Variants in RBFOX1 observed in about 807,000 individuals in gnomAD.
RBFOX1 encodes the protein RNA binding protein fox-1 homolog 1.
In RBFOX1, 8 loss-of-function variants were observed where a neutral mutation model predicts 57.7. The observed-to-expected ratio is 0.14, with a 90% CI of 0.08 to 0.25. The LOEUF (loss-of-function observed/expected upper bound fraction) is 0.25, where lower values mean the gene tolerates loss of function less well. Among genes scored for constraint, RBFOX1 ranks in the 10% least tolerant of loss-of-function variants. The probability of loss-of-function intolerance (pLI) is 1.00; values close to 1 mark genes in which losing one functional copy is unlikely to be tolerated. For missense variants in RBFOX1, 611 were observed against 548.5 expected, an observed-to-expected ratio of 1.11 and a Z score of -1.14; for synonymous variants, 326 against 222.4, an observed-to-expected ratio of 1.47 and a Z score of -4.15.
chr16:7,292,209 T>TATATC (rs1266670436), intron 4 of RBFOX1, among the ~76,000 whole-genome samples: 8 of 105,050 alleles, frequency 7.6e-5, no homozygotes, highest in African/African-American at 3.3e-4. Context: ...TTATATATCA[T>TATATC]ATATATGATA....
At chr16:5,353,541 C>T (rs951767984) in intron 1 of RBFOX1, among the ~76,000 whole-genome samples, 1 of 152,058 alleles carries the variant, frequency 6.6e-6, no homozygotes, top group Non-Finnish European at 1.5e-5. Context: ...ATGTGAATGT[C>T]ACAGCCTAGT....
chr16:7,238,234 G>A (rs370729895), intron 4 of RBFOX1, among the ~76,000 whole-genome samples: 1 of 152,102 alleles, frequency 6.6e-6, no homozygotes, highest in South Asian at 2.1e-4. Context: ...TTTCAGTTTT[G>A]CAAGATGAAA....
intron 3 of RBFOX1, among the ~76,000 whole-genome samples, chr16:5,695,544 T>C (rs1178625223): frequency 1.3e-5 from 2 of 152,208 alleles, no homozygotes; most frequent in Non-Finnish European, 2.9e-5. Flanking sequence ...ATGATGCCAG[T>C]CAAAATAATT....
intron 1 of RBFOX1, among the ~76,000 whole-genome samples, chr16:5,258,390 T>C (rs1224893385): frequency 6.8e-6 from 1 of 146,062 alleles, no homozygotes; most frequent in Non-Finnish European, 1.5e-5. Flanking sequence ...TGTAATTTAC[T>C]TTCCCTCTAA....
chr16:7,675,708 A>G (rs1300933359), intron 13 of RBFOX1, among the ~76,000 whole-genome samples: 1 of 150,824 alleles, frequency 6.6e-6, no homozygotes, highest in Non-Finnish European at 1.5e-5. Context: ...TTTCCCTCTC[A>G]TGATTCTGCT....
chr16:7,454,015 CT>C (rs1248329524), intron 4 of RBFOX1, among the ~76,000 whole-genome samples: 34 of 152,292 alleles, frequency 2.2e-4, no homozygotes, highest in African/African-American at 7.9e-4. Flanking sequence ...GGTGGATTGC[CT>C]GAGGTCAGGA....
chr16:6,675,087 G>T (rs1251791624), intron 3 of RBFOX1, among the ~76,000 whole-genome samples: 4 of 151,842 alleles, frequency 2.6e-5, no homozygotes, highest in African/African-American at 7.3e-5. Context: ...GTATTTTTTT[G>T]TAGAGATGGG....
intron 2 of RBFOX1, among the ~76,000 whole-genome samples, chr16:5,571,284 G>C (rs939417194): frequency 8.0e-6 from 1 of 125,622 alleles, no homozygotes; most frequent in Non-Finnish European, 1.6e-5. Flanking sequence ...GCAGTGTTGT[G>C]ATCTCAGCTC....
chr16:7,447,473 A>C (rs1260656651), intron 4 of RBFOX1, among the ~76,000 whole-genome samples: 2 of 151,858 alleles, frequency 1.3e-5, no homozygotes, highest in African/African-American at 4.8e-5. Context: ...TGAGATTCAA[A>C]ATTACTAGTG....
chr16:6,864,526 C>A (rs565813604), intron 3 of RBFOX1, among the ~76,000 whole-genome samples: 4 of 150,276 alleles, frequency 2.7e-5, no homozygotes, highest in African/African-American at 7.4e-5. Context: ...TAGTTTTAAA[C>A]CCCCCTATTC....
chr16:5,653,871 G>C (rs7185169), intron 3 of RBFOX1, among the ~76,000 whole-genome samples: 107,000 of 152,062 alleles, frequency 0.7, 41,255 homozygotes, highest in Non-Finnish European at 0.87. Context: ...AGACCAGTGG[G>C]CAGGAGGGCT....
At chr16:5,488,134 G>T (rs1949137362) in intron 2 of RBFOX1, among the ~76,000 whole-genome samples, 1 of 142,336 alleles carries the variant, frequency 7.0e-6, no homozygotes, top group African/African-American at 2.6e-5. Context: ...GATAATGGAA[G>T]ATAATGGTGA....
At chr16:5,909,568 T>G (rs1422383678) in intron 4 of RBFOX1, among the ~76,000 whole-genome samples, 1 of 152,178 alleles carries the variant, frequency 6.6e-6, no homozygotes, top group Non-Finnish European at 1.5e-5. Context: ...CAACAGTTGA[T>G]CCATGCAATC....
intron 1 of RBFOX1, chr16:5,467,178 C>CTG (rs1161757085): frequency 3.5e-6 from 5 of 1,420,462 alleles, no homozygotes; most frequent in East Asian, 2.5e-5. Flanking sequence ...TGTTTCTTCT[C>CTG]TCTCTCTCTC....
At chr16:6,676,000 G>C (rs2057578072) in intron 3 of RBFOX1, among the ~76,000 whole-genome samples, 1 of 152,116 alleles carries the variant, frequency 6.6e-6, no homozygotes. Flanking sequence ...GGCGATGGGA[G>C]AGGAGAGGTT....
At chr16:6,577,907 G>T (rs184333845) in intron 2 of RBFOX1, among the ~76,000 whole-genome samples, 1 of 152,190 alleles carries the variant, frequency 6.6e-6, no homozygotes, top group Non-Finnish European at 1.5e-5. Context: ...ATTTTTTACT[G>T]CAATGTCATA....
chr16:6,612,129 T>A (rs2098068122), intron 2 of RBFOX1, among the ~76,000 whole-genome samples: 1 of 152,184 alleles, frequency 6.6e-6, no homozygotes, highest in African/African-American at 2.4e-5. Flanking sequence ...CTAGGGATTA[T>A]CCCTGGTAAG....
chr16:6,765,112 C>G (rs1294091507), intron 3 of RBFOX1, among the ~76,000 whole-genome samples: 2 of 151,956 alleles, frequency 1.3e-5, no homozygotes, highest in Non-Finnish European at 2.9e-5. Context: ...GTGCTCTAGG[C>G]TGATGGAACA....
intron 3 of RBFOX1, among the ~76,000 whole-genome samples, chr16:6,913,873 G>C (rs762451851): frequency 3.9e-5 from 6 of 152,184 alleles, no homozygotes; most frequent in Non-Finnish European, 7.3e-5. Flanking sequence ...CAATCTATTA[G>C]CAAGGTGCCA....
Sources: gnomAD v4.1 joint callset for allele counts (sites outside exome capture counted in the v4.1 genomes callset) on GRCh38, gnomAD v4.1.1 for gene constraint, MANE v1.5 for transcripts, NCBI Gene and HGNC (gene_info 2026-07-23, HGNC 2026-07-21) for gene names.